The following DLG2 variants were observed in gnomAD, a reference collection of about 807,000 sequenced individuals.
The protein encoded by DLG2 is disks large homolog 2.
DLG2 carries 45 observed loss-of-function variants against 132.5 expected under a neutral mutation model. That is an observed-to-expected ratio of 0.34 (90% confidence interval 0.27 to 0.44). The LOEUF (loss-of-function observed/expected upper bound fraction) is 0.44, where lower values mean the gene tolerates loss of function less well. Among genes scored for constraint, DLG2 ranks in the 20% least tolerant of loss-of-function variants. The pLI is 1.00. For missense variants in DLG2, 1,045 were observed against 1,196.9 expected, an observed-to-expected ratio of 0.87 and a Z score of 1.87; for synonymous variants, 424 against 419.6, an observed-to-expected ratio of 1.01 and a Z score of -0.13.
At chr11:85,369,999 C>T (rs181622493) in intron 3 of DLG2, among the ~76,000 whole-genome samples, 3 of 152,272 alleles carry the variant, frequency 2.0e-5, no homozygotes, top group African/African-American at 7.2e-5. Context: ...AATAGGTGAA[C>T]TGAAGAATGC....
intron 19 of DLG2, among the ~76,000 whole-genome samples, chr11:83,615,631 C>G (rs1216156361): frequency 6.6e-6 from 1 of 152,180 alleles, no homozygotes; most frequent in East Asian, 1.9e-4. Context: ...TCCTTAAAAG[C>G]AGAGTATCTT....
intron 3 of DLG2, among the ~76,000 whole-genome samples, chr11:85,579,650 G>A (rs1475346442): frequency 1.3e-5 from 2 of 152,114 alleles, no homozygotes; most frequent in Admixed American, 1.3e-4. Context: ...GTAGCTTCAG[G>A]AGAAAATAGG....
At chr11:85,284,399 TC>T in intron 4 of DLG2, among the ~76,000 whole-genome samples, 1 of 151,766 alleles carries the variant, frequency 6.6e-6, no homozygotes. Context: ...AACTCAGCAA[TC>T]AACATGCTAT....
chr11:85,479,919 C>CA (rs1301664718), intron 3 of DLG2, among the ~76,000 whole-genome samples: 1 of 152,168 alleles, frequency 6.6e-6, no homozygotes, highest in African/African-American at 2.4e-5. Context: ...GAATACCAAT[C>CA]ATACTGGATT....
intron 6 of DLG2, among the ~76,000 whole-genome samples, chr11:84,567,348 C>T (rs191291478): frequency 8.5e-5 from 13 of 152,180 alleles, no homozygotes; most frequent in African/African-American, 1.9e-4. Flanking sequence ...TACTGGATGA[C>T]GAATCAATTG....
chr11:84,939,398 T>A (rs2154096465), intron 6 of DLG2, among the ~76,000 whole-genome samples: 1 of 151,906 alleles, frequency 6.6e-6, no homozygotes, highest in Admixed American at 6.5e-5. Flanking sequence ...TTCTTTGTGT[T>A]ATAAACATTC....
At chr11:84,259,710 C>A (rs1302517140) in intron 7 of DLG2, among the ~76,000 whole-genome samples, 1 of 152,132 alleles carries the variant, frequency 6.6e-6, no homozygotes, top group Non-Finnish European at 1.5e-5. Context: ...ATGGAAGATT[C>A]ATGTTTTGGC....
At chr11:85,516,997 C>T (rs536622801) in intron 3 of DLG2, among the ~76,000 whole-genome samples, 147 of 152,024 alleles carry the variant, frequency 9.7e-4, no homozygotes, top group Middle Eastern at 3.4e-3. Context: ...AGACCAGTAT[C>T]CCTGATGAAA....
chr11:84,759,859 G>C (rs184094142), intron 6 of DLG2, among the ~76,000 whole-genome samples: 224 of 151,806 alleles, frequency 1.5e-3, no homozygotes, highest in African/African-American at 5.2e-3. Context: ...AGGGATCCTG[G>C]TATCTTTAAT....
At chr11:84,421,274 T>G (rs1337140881) in intron 7 of DLG2, among the ~76,000 whole-genome samples, 2 of 152,226 alleles carry the variant, frequency 1.3e-5, no homozygotes, top group East Asian at 3.9e-4. Context: ...TTATGGTATT[T>G]TGTTACAGCA....
Position 83,569,871 on chromosome 11 carries a change from C to T in DLG2, c.1941-28013G>A, listed in dbSNP as rs1348221010. Among the ~76,000 whole-genome samples, 3 of 152,216 alleles carry T rather than the reference C, an allele frequency of 2.0e-5. No homozygotes were observed. The East Asian group carries it at 5.8e-4, about 29-fold the overall frequency. On this transcript the variant is annotated intron_variant, in intron 19 of 27. Coordinates refer to ENST00000376104, the MANE Select transcript of DLG2 (RefSeq NM_001142699.3). Reference sequence around the variant, plus strand: ...AAAAATTCATCCCATCTGAAAAATTCTTCAAGCTGCAGCAGAACTGGGACA... The same window carrying T: ...AAAAATTCATCCCATCTGAAAAATTTTTCAAGCTGCAGCAGAACTGGGACA...
At chr11:84,308,040 G>A (rs1196961686) in intron 7 of DLG2, among the ~76,000 whole-genome samples, 1 of 152,190 alleles carries the variant, frequency 6.6e-6, no homozygotes, top group Admixed American at 6.5e-5. Flanking sequence ...ATTGCAAAGA[G>A]CGAAAGAACA....
intron 6 of DLG2, among the ~76,000 whole-genome samples, chr11:85,093,055 C>A (rs1281568205): frequency 6.6e-6 from 1 of 152,172 alleles, no homozygotes; most frequent in Admixed American, 6.5e-5. Flanking sequence ...AATTACACTC[C>A]TTTTAGACAT....
intron 3 of DLG2, among the ~76,000 whole-genome samples, chr11:85,552,095 G>GAAAAAAAAAA (rs764172663): frequency 1.1e-4 from 7 of 64,180 alleles, no homozygotes; most frequent in South Asian, 5.5e-4. Context: ...GGACTTAAAA[G>GAAAAAAAAAA]AAAAAAAAAA....
At chr11:84,965,308 C>T (rs1479261725) in intron 6 of DLG2, among the ~76,000 whole-genome samples, 1 of 151,868 alleles carries the variant, frequency 6.6e-6, no homozygotes, top group Non-Finnish European at 1.5e-5. Context: ...CGGTTTTAAA[C>T]TTTAGAAAAA....
chr11:85,285,463 T>G (rs149347579), intron 3 of DLG2, 98 bp from the exon 4 acceptor site: 2 of 1,155,394 alleles, frequency 1.7e-6, no homozygotes, highest in Non-Finnish European at 2.4e-6. Flanking sequence ...GAAATTTTGC[T>G]GATTAAAAGA....
At chr11:84,274,609 T>TA (rs1481875709) in intron 7 of DLG2, among the ~76,000 whole-genome samples, 1 of 152,216 alleles carries the variant, frequency 6.6e-6, no homozygotes, top group Non-Finnish European at 1.5e-5. Flanking sequence ...CTTGTAGTGT[T>TA]AAAGTCTCAA....
rs142998666 is a variant in DLG2 at position 84,907,648 on chromosome 11, A to G, written c.357+204013T>C. Among the ~76,000 whole-genome samples the G allele has an allele frequency of 6.6e-5, 10 of 152,338 alleles. No individual in the cohort carries two copies. The East Asian group carries it at 1.9e-3, about 29-fold the overall frequency. On this transcript the variant is annotated intron_variant, in intron 6 of 27. Coordinates refer to ENST00000376104, the MANE Select transcript of DLG2 (RefSeq NM_001142699.3). ...AGGGATCCACCGAGGAGATTATACT[A>G]GTACATAATTTTGAAAGTCAAATAA...
Position 83,766,533 on chromosome 11 carries a change from G to A in DLG2, c.1825+20157C>T, listed in dbSNP as rs2094154553. Among the ~76,000 whole-genome samples, 3 of 151,688 alleles carry A rather than the reference G, an allele frequency of 2.0e-5. No individual in the cohort carries two copies. In the South Asian group the frequency reaches 6.3e-4, roughly 32 times the overall value. ...TTGAAAAATGAGGAAAAATGAGATTGTGTGCCTTTAATTATATTATCAGCA... is the reference window on the plus strand; with the variant it reads ...TTGAAAAATGAGGAAAAATGAGATTATGTGCCTTTAATTATATTATCAGCA... On this transcript the variant is annotated intron_variant, in intron 18 of 27. Coordinates refer to ENST00000376104, the MANE Select transcript of DLG2 (RefSeq NM_001142699.3).
Sources: gnomAD v4.1 joint callset for allele counts (sites outside exome capture counted in the v4.1 genomes callset) on GRCh38, gnomAD v4.1.1 for gene constraint, MANE v1.5 for transcripts, NCBI Gene and HGNC (gene_info 2026-07-23, HGNC 2026-07-21) for gene names.